The following OPRM1 variants were observed in gnomAD, a reference collection of about 807,000 sequenced individuals.
OPRM1 encodes opioid receptor mu 1.
Under a neutral mutation model 31.8 loss-of-function variants are expected in OPRM1, and 27 were observed. That is an observed-to-expected ratio of 0.85 (90% CI 0.63 to 1.17). The LOEUF (loss-of-function observed/expected upper bound fraction) is 1.17, where lower values mean the gene tolerates loss of function less well. Among genes scored for constraint, OPRM1 ranks in the 50% most tolerant of loss-of-function variants. The pLI is 0.00. For synonymous variants in OPRM1, 196 were observed against 189.9 expected (o/e 1.03, Z -0.26); for missense variants, 536 against 511.1 (o/e 1.05, Z -0.47).
At chr6:154,217,427 C>T (rs1474875555) in intron 3 of OPRM1, 1 of 143,070 alleles carries the variant, frequency 7.0e-6, no homozygotes, top group African/African-American at 2.6e-5. Context: ...GAGGTGGCTG[C>T]ATGGAGAAAA....
intron 3 of OPRM1, among the ~76,000 whole-genome samples, chr6:154,210,822 T>G (rs915856428): frequency 6.6e-6 from 1 of 152,240 alleles, no homozygotes; most frequent in African/African-American, 2.4e-5. Flanking sequence ...TCATATTTAA[T>G]AGATAGTTTA....
chr6:154,049,942 A>G (rs535476), intron 1 of OPRM1, among the ~76,000 whole-genome samples: 7,154 of 152,246 alleles, frequency 0.047, 320 homozygotes, highest in Admixed American at 0.15. Flanking sequence ...ATTAATATTC[A>G]TCAGAGATAT....
At chr6:154,185,325 C>T (rs973667211) in intron 3 of OPRM1, among the ~76,000 whole-genome samples, 2 of 152,154 alleles carry the variant, frequency 1.3e-5, no homozygotes, top group Admixed American at 1.3e-4. Context: ...CACTTCATTC[C>T]AAATATGAAG....
At chr6:154,050,495 G>T (rs1781973645) in intron 1 of OPRM1, among the ~76,000 whole-genome samples, 1 of 151,972 alleles carries the variant, frequency 6.6e-6, no homozygotes, top group South Asian at 2.1e-4. Flanking sequence ...AATAAGCCAG[G>T]CACAGAAAGA....
chr6:154,161,900 A>C (rs1799051834), intron 3 of OPRM1, among the ~76,000 whole-genome samples: 1 of 152,174 alleles, frequency 6.6e-6, no homozygotes, highest in South Asian at 2.1e-4. Context: ...TCCAGTCATC[A>C]CATTTTCACA....
At chr6:154,066,576 G>T (rs1199730859) in intron 1 of OPRM1, among the ~76,000 whole-genome samples, 1 of 152,076 alleles carries the variant, frequency 6.6e-6, no homozygotes, top group African/African-American at 2.4e-5. Context: ...GTAATTGGAG[G>T]TAAGGCCTTT....
At chr6:154,146,877 A>C in intron 3 of OPRM1, among the ~76,000 whole-genome samples, 1 of 152,152 alleles carries the variant, frequency 6.6e-6, no homozygotes, top group East Asian at 1.9e-4. Flanking sequence ...AGGGAATCTC[A>C]GAAGGGGCAT....
Position 154,039,396 on chromosome 6 carries a change from T to C in OPRM1, c.-149T>C, listed in dbSNP as rs1280774909. On this transcript the variant is annotated 5_prime_UTR_variant, in exon 1 of 4. Coordinates refer to ENST00000330432, the MANE Select transcript of OPRM1 (RefSeq NM_000914.5). ...CAGCTCGGTCCCCTCCGCCTGACGC[T>C]CCTCTCTGTCTCAGCCAGGACTGGT... 6.5e-7 allele frequency: 1 copy of C among 1,547,006 alleles called. No individual in the cohort carries two copies. Among genetic ancestry groups the C allele is most frequent in the Non-Finnish European group, 8.7e-7 (1 of 1,144,020 alleles).
At position 154,093,336 on chromosome 6, in the gene OPRM1, C is replaced by T. The variant is rs753113416; in HGVS notation, c.1164+1864C>T. The stretch of plus-strand genomic sequence containing the variant: ...AGGCTGCTTGGTTGTGTACCCTGGA[C>T]CACTGCAAGGACCTCTTGTCAGATA... On this transcript the variant is annotated intron_variant, in intron 3 of 3. Transcript: ENST00000330432. 3 of 1,613,970 alleles carry T rather than the reference C, an allele frequency of 1.9e-6. No individual in the cohort carries two copies. The South Asian group carries it at 3.3e-5, about 18-fold the overall frequency.
chr6:154,167,834 C>A, intron 3 of OPRM1: 1 of 998,084 alleles, frequency 1.0e-6, no homozygotes, highest in Non-Finnish European at 1.5e-6. Flanking sequence ...CACAAACATG[C>A]TGTGATTAGC....
intron 3 of OPRM1, chr6:154,200,180 TATG>T: frequency 1.3e-6 from 1 of 747,848 alleles, no homozygotes; most frequent in South Asian, 2.0e-5. Flanking sequence ...AAGGTAAAGA[TATG>T]ATATTTATTT....
At chr6:154,217,154 C>T (rs905283098) in intron 3 of OPRM1, 2 of 166,908 alleles carry the variant, frequency 1.2e-5, no homozygotes, top group Non-Finnish European at 2.6e-5. Context: ...ACAGGCCAAA[C>T]AGTGGGGCTG....
intron 3 of OPRM1, among the ~76,000 whole-genome samples, chr6:154,150,225 C>A (rs1036647320): frequency 3.9e-5 from 6 of 152,228 alleles, no homozygotes; most frequent in Non-Finnish European, 5.9e-5. Flanking sequence ...TCTTGCCCAG[C>A]ATGAATTCCT....
At chr6:154,071,470 A>G (rs924011978) in intron 1 of OPRM1, among the ~76,000 whole-genome samples, 11 of 152,168 alleles carry the variant, frequency 7.2e-5, no homozygotes, top group Admixed American at 2.0e-4. Context: ...CTCATCATGA[A>G]GCCTGATCCT....
chr6:154,050,563 A>C (rs7453608), intron 1 of OPRM1, among the ~76,000 whole-genome samples: 1 of 152,010 alleles, frequency 6.6e-6, no homozygotes, highest in Admixed American at 6.6e-5. Flanking sequence ...AATTGAATTC[A>C]TAAACTTAGA....
In OPRM1 at chr6:154,223,373, G is replaced by A. The variant is rs141257703; in HGVS notation, c.1165-23320G>A. On this transcript the variant is annotated intron_variant, in intron 3 of 3. Transcript: ENST00000337049. ...AGAATCAAGAGATACCAACCACCCT[G>A]AATCACCATGGAGGTGTCCCAGATA... 63 of 716,822 alleles carry A rather than the reference G, an allele frequency of 8.8e-5. No individual in the cohort carries two copies. The African/African-American group carries it at 9.2e-4, about 10-fold the overall frequency. The allele number at this position is 716,822 out of a possible 1,614,324, so 44.4% of individuals were successfully genotyped here.
chr6:154,202,355 A>G (rs1459491584), intron 3 of OPRM1, among the ~76,000 whole-genome samples: 2 of 152,112 alleles, frequency 1.3e-5, no homozygotes, highest in Non-Finnish European at 2.9e-5. Context: ...TTTCAATAAA[A>G]CCCTAGTTAT....
chr6:154,148,732 C>A (rs1177071365), intron 3 of OPRM1, among the ~76,000 whole-genome samples: 4 of 152,326 alleles, frequency 2.6e-5, no homozygotes, highest in Admixed American at 2.6e-4. Flanking sequence ...ACATGGATGG[C>A]AAGATATGTT....
At position 154,118,816 on chromosome 6, in the gene OPRM1, T is replaced by C. The variant is rs1583619103; in HGVS notation, c.*95T>C. On this transcript the variant is annotated 3_prime_UTR_variant, in exon 4 of 4. Coordinates refer to ENST00000330432, the MANE Select transcript of OPRM1 (RefSeq NM_000914.5). ...AAGAATGTGTAGGAGGCTCTAATTC[T>C]CTAGGAAAGTGCCTGCTTTTAGGTC... 6.4e-7 allele frequency: 1 copy of C among 1,561,394 alleles called. No homozygotes were observed. Among genetic ancestry groups the C allele is most frequent in the South Asian group, 1.2e-5 (1 of 83,698 alleles).
Sources: allele counts gnomAD v4.1 joint callset (sites outside exome capture counted in the v4.1 genomes callset), GRCh38; gene constraint gnomAD v4.1.1; transcripts MANE v1.5; gene names NCBI Gene and HGNC (gene_info 2026-07-23, HGNC 2026-07-21).